LMX1A: variants seen among roughly 807,000 people sequenced by gnomAD.
LMX1A encodes the protein LIM homeobox transcription factor 1 alpha.
Under a neutral mutation model 49.1 loss-of-function variants are expected in LMX1A, and 15 were observed. The observed-to-expected ratio is 0.31, with a 90% confidence interval of 0.20 to 0.47. The LOEUF (loss-of-function observed/expected upper bound fraction) is 0.47, where lower values mean the gene tolerates loss of function less well. Ranked by LOEUF, LMX1A falls within the 20% of genes least tolerant of loss-of-function variation. The pLI is 1.00. For missense variants in LMX1A, 372 were observed against 475.8 expected, an observed-to-expected ratio of 0.78 and a Z score of 2.03; for synonymous variants, 167 against 185.7, an observed-to-expected ratio of 0.90 and a Z score of 0.82.
chr1:165,234,013 A>G (rs930703696), intron 4 of LMX1A, among the ~76,000 whole-genome samples: 2 of 151,570 alleles, frequency 1.3e-5, no homozygotes, highest in Non-Finnish European at 1.5e-5. Flanking sequence ...CATCCTCCCC[A>G]CTCCTCTTTT....
intron 3 of LMX1A, among the ~76,000 whole-genome samples, chr1:165,309,501 A>C (rs1393994675): frequency 6.6e-6 from 1 of 152,300 alleles, no homozygotes; most frequent in East Asian, 1.9e-4. Flanking sequence ...CAACAACAGC[A>C]GCAACTGTCT....
intron 3 of LMX1A, among the ~76,000 whole-genome samples, chr1:165,299,610 A>C (rs1443786939): frequency 6.6e-6 from 1 of 152,238 alleles, no homozygotes; most frequent in Admixed American, 6.5e-5. Flanking sequence ...AAGGTTTAGT[A>C]AAAGATGCCT....
At chr1:165,238,732 G>A (rs1304374661) in intron 4 of LMX1A, among the ~76,000 whole-genome samples, 1 of 152,208 alleles carries the variant, frequency 6.6e-6, no homozygotes, top group Non-Finnish European at 1.5e-5. Flanking sequence ...CAGCCAGAAA[G>A]AGCTGTCAGT....
intron 4 of LMX1A, among the ~76,000 whole-genome samples, chr1:165,242,732 T>A (rs1202370734): frequency 2.0e-5 from 3 of 148,990 alleles, no homozygotes. Context: ...AAAAAAAAAT[T>A]AGCTGGGCTA....
chr1:165,254,659 G>T (rs935987664), intron 3 of LMX1A, among the ~76,000 whole-genome samples: 1 of 152,166 alleles, frequency 6.6e-6, no homozygotes, highest in African/African-American at 2.4e-5. Context: ...GCAGAGAAAA[G>T]GGTTTGTTCA....
intron 3 of LMX1A, among the ~76,000 whole-genome samples, chr1:165,252,229 G>C (rs1653086284): frequency 6.6e-6 from 1 of 152,094 alleles, no homozygotes; most frequent in Admixed American, 6.5e-5. Flanking sequence ...TTTGACTCAT[G>C]GATCTAATTT....
At chr1:165,221,908 T>TACAC (rs3038076) in intron 4 of LMX1A, among the ~76,000 whole-genome samples, 107 of 126,986 alleles carry the variant, frequency 8.4e-4, no homozygotes, top group African/African-American at 2.5e-3. Flanking sequence ...GTCTCCACTC[T>TACAC]ACACACACAC....
chr1:165,224,244 G>C (rs1311651269), intron 4 of LMX1A, among the ~76,000 whole-genome samples: 1 of 152,158 alleles, frequency 6.6e-6, no homozygotes, highest in Non-Finnish European at 1.5e-5. Context: ...GGCCTCCCCA[G>C]AAGCCAAGCA....
intron 4 of LMX1A, among the ~76,000 whole-genome samples, chr1:165,224,884 C>T (rs761776443): frequency 6.6e-6 from 1 of 152,210 alleles, no homozygotes; most frequent in Non-Finnish European, 1.5e-5. Context: ...GAACTACAAT[C>T]TGAATCTCTT....
In LMX1A at chr1:165,279,741, A is replaced by G. The variant is rs1324651389; in HGVS notation, c.264-30101T>C. On this transcript the variant is annotated intron_variant, in intron 3 of 8. Coordinates refer to ENST00000342310, the MANE Select transcript of LMX1A (RefSeq NM_177398.4). ...AATAATTTGTATTATTAGTTCCAACAAATGACCACCATTTGGGCTTATATG... is the reference window on the plus strand; with the variant it reads ...AATAATTTGTATTATTAGTTCCAACGAATGACCACCATTTGGGCTTATATG... Among the ~76,000 whole-genome samples, 5 of 152,338 alleles carry G rather than the reference A, an allele frequency of 3.3e-5. No individual in the cohort carries two copies. In the South Asian group the frequency reaches 8.3e-4, roughly 25 times the overall value.
chr1:165,353,121 C>G lies in LMX1A; in HGVS notation c.218G>C (p.Cys73Ser). Reference protein sequence around the residue: ...ASCKEPLETTCFYRDKKLYCK... With the variant: ...ASCKEPLETTSFYRDKKLYCK... ...GTACAGCTTCTTGTCCCGGTAGAAGCAGGTGGTCTCCAGGGGCTCTTTGCA... is the reference window on the plus strand; with the variant it reads ...GTACAGCTTCTTGTCCCGGTAGAAGGAGGTGGTCTCCAGGGGCTCTTTGCA... The change falls in exon 3 of 9, where the codon TGC becomes TCC. Residue 73 changes from cysteine (C) to serine (S), a missense_variant. Cys to Ser is a moderately radical substitution (Grantham distance 112, BLOSUM62 -1). This residue lies in a region of LMX1A where 199 missense variants were observed against 244.0 expected (regional missense o/e 0.82). Coordinates refer to ENST00000342310, the MANE Select transcript of LMX1A (RefSeq NM_177398.4). 1 of 1,614,240 alleles carries G rather than the reference C, an allele frequency of 6.2e-7. No homozygotes were observed. The highest frequency in any genetic ancestry group is 8.5e-7 in the Non-Finnish European group (1 of 1,180,040).
chr1:165,303,619 G>A (rs867701028), intron 3 of LMX1A, among the ~76,000 whole-genome samples: 3 of 152,138 alleles, frequency 2.0e-5, no homozygotes, highest in African/African-American at 7.2e-5. Context: ...CATCGCCTAC[G>A]CCTGCAGTCA....
intron 3 of LMX1A, among the ~76,000 whole-genome samples, chr1:165,254,183 A>G (rs1653153770): frequency 6.6e-6 from 1 of 152,104 alleles, no homozygotes; most frequent in African/African-American, 2.4e-5. Flanking sequence ...GTGCTTGTCT[A>G]ACTTCCACCC....
chr1:165,345,313 C>T (rs1656206916), intron 3 of LMX1A, among the ~76,000 whole-genome samples: 1 of 152,192 alleles, frequency 6.6e-6, no homozygotes, highest in Non-Finnish European at 1.5e-5. Context: ...CTCCAAAGAG[C>T]TCTTCTCATA....
intron 6 of LMX1A, 92 bp from the exon 7 acceptor site, chr1:165,208,224 G>A (rs943418727): frequency 3.5e-6 from 4 of 1,157,130 alleles, no homozygotes; most frequent in African/African-American, 1.5e-5. Flanking sequence ...CCTTCCCCGG[G>A]AGAGGGCTTG....
chr1:165,309,791 T>C (rs531577992), intron 3 of LMX1A, among the ~76,000 whole-genome samples: 2 of 152,300 alleles, frequency 1.3e-5, no homozygotes, highest in Admixed American at 6.5e-5. Flanking sequence ...AGCCAAATCA[T>C]AGCATCGCAA....
intron 5 of LMX1A, among the ~76,000 whole-genome samples, chr1:165,212,637 T>G (rs935962485): frequency 3.4e-4 from 51 of 152,208 alleles, no homozygotes; most frequent in Non-Finnish European, 6.9e-4. Flanking sequence ...CTATTTTCTT[T>G]CTTTTTATCA....
At chr1:165,281,192 A>G (rs1807798) in intron 3 of LMX1A, among the ~76,000 whole-genome samples, 66,040 of 151,942 alleles carry the variant, frequency 0.43, 14,605 homozygotes, top group Admixed American at 0.48. Flanking sequence ...CACTTTTAGT[A>G]CCTCTGAGAA....
intron 5 of LMX1A, among the ~76,000 whole-genome samples, chr1:165,211,814 C>T (rs1472577452): frequency 6.6e-6 from 1 of 152,156 alleles, no homozygotes; most frequent in African/African-American, 2.4e-5. Context: ...CCTGATTGCC[C>T]AGACCAAAGT....
Sources: gnomAD v4.1 joint callset for allele counts (sites outside exome capture counted in the v4.1 genomes callset) on GRCh38, gnomAD v4.1.1 for gene constraint, gnomAD v4.1.1 regional missense constraint, MANE v1.5 for transcripts, NCBI Gene and HGNC (gene_info 2026-07-23, HGNC 2026-07-21) for gene names.